DLGAP3: variants seen among roughly 807,000 people sequenced by gnomAD.
DLGAP3 encodes disks large-associated protein 3.
In DLGAP3, 17 loss-of-function variants were observed where a neutral mutation model predicts 81.2. That is an observed-to-expected ratio of 0.21 (90% CI 0.14 to 0.31). The LOEUF is 0.31. Among genes scored for constraint, DLGAP3 ranks in the 10% least tolerant of loss-of-function variants. The probability of loss-of-function intolerance (pLI) is 1.00; values close to 1 mark genes in which losing one functional copy is unlikely to be tolerated. For synonymous variants in DLGAP3, 577 were observed against 587.4 expected, an observed-to-expected ratio of 0.98 and a Z score of 0.26; for missense variants, 1,124 against 1,388.0, an observed-to-expected ratio of 0.81 and a Z score of 3.02.
In DLGAP3 at chr1:34,900,230, T is replaced by A. The variant is rs759558059; in HGVS notation, c.1151A>T (p.Asp384Val). 1 of 1,614,040 alleles carries A rather than the reference T, an allele frequency of 6.2e-7. No individual in the cohort carries two copies. The highest frequency in any genetic ancestry group is 2.2e-5 in the East Asian group (1 of 44,870). ...CATCCTGCGGCAGGGGATCTCCCCA[T>A]CCTTGCCACCGGTGGGGTAACCCCC... ...DWGGYPTGGKDGEIPCRRMRS... is the reference protein window; with the variant it reads ...DWGGYPTGGKVGEIPCRRMRS... The change falls in exon 4 of 12, where the codon GAT becomes GTT. Residue 384 changes from aspartate to valine, a missense_variant. Transcript: ENST00000373347. This position sits in a 1 kb window ranked among gnomAD's most constrained non-coding sequence, Gnocchi z 5.6.
chr1:34,872,269 C>T (rs545419902), intron 8 of DLGAP3, among the ~76,000 whole-genome samples: 2 of 152,226 alleles, frequency 1.3e-5, no homozygotes, highest in East Asian at 1.9e-4. Context: ...AAGGTGCCCA[C>T]GGATTTTGCA....
intron 3 of DLGAP3, among the ~76,000 whole-genome samples, chr1:34,901,644 G>A (rs1639461958): frequency 2.0e-5 from 3 of 152,278 alleles, no homozygotes; most frequent in East Asian, 1.9e-4. Flanking sequence ...CTCAATAAAT[G>A]GTAACAATTA....
At chr1:34,884,269 C>T (rs1639187502) in intron 8 of DLGAP3, among the ~76,000 whole-genome samples, 1 of 151,974 alleles carries the variant, frequency 6.6e-6, no homozygotes. Flanking sequence ...AGCTCAGATA[C>T]CATGAAACCG....
rs776466719 is a variant in DLGAP3, at chr1:34,868,730, C to T, written c.2360G>A (p.Arg787His). 1.5e-4 allele frequency: 247 copies of T among 1,609,202 alleles called. 1 individual carries two copies. Among genetic ancestry groups the T allele is most frequent in the African/African-American group, 1.9e-4 (14 of 74,928 alleles). ...GCCGTCGCGTGGGCAGGGGGATGCG[C>T]GGCCTGAGTCGGGGAGGCTACGTGA... ...RGSRSLPDSG[R>H]ASPCPRDGEW... Residue 787 changes from arginine to histidine, a missense_variant, in exon 9 of 12, where the codon CGC becomes CAC. Arg to His is a conservative substitution (Grantham distance 29). Around this residue, in one of 9 missense-constraint regions of DLGAP3, gnomAD observed 379 missense variants for 455.7 expected, o/e 0.83. Transcript: ENST00000373347. The surrounding 1 kb of genome is among the most constrained non-coding windows in gnomAD (Gnocchi z 7.5).
chr1:34,865,809 A>C lies in DLGAP3; in HGVS notation c.*274T>G. ...AATGGCAGAGATGGTGCCCATGGGGAGGAGGTGGGGACAAAGCGTCGGACC... is the reference window on the plus strand; with the variant it reads ...AATGGCAGAGATGGTGCCCATGGGGCGGAGGTGGGGACAAAGCGTCGGACC... On this transcript the variant is annotated 3_prime_UTR_variant, in exon 12 of 12. Transcript: ENST00000373347. 5.6e-6 allele frequency: 3 copies of C among 531,326 alleles called. No individual in the cohort carries two copies. Among genetic ancestry groups the C allele is most frequent in the Non-Finnish European group, 6.7e-6 (2 of 297,246 alleles). 32.9% of individuals were successfully genotyped at this position (531,326 alleles called of 1,614,324 possible). A position where few individuals can be genotyped will look rare whatever the true frequency, so the allele number is the denominator to read the frequency against.
At chr1:34,882,863 C>G (rs1639165828) in intron 8 of DLGAP3, among the ~76,000 whole-genome samples, 1 of 152,180 alleles carries the variant, frequency 6.6e-6, no homozygotes, top group Non-Finnish European at 1.5e-5. Context: ...TCCCCTGCCC[C>G]ACTCCACACC....
rs778198945 is a variant in DLGAP3, at chr1:34,900,099, G to A, written c.1282C>T (p.Arg428Cys). ...CTGGCCTGGTCCACGCTGGAGGAGCGACGGGTGGTGAAGCGTCGGGCGACT... is the reference window on the plus strand; with the variant it reads ...CTGGCCTGGTCCACGCTGGAGGAGCAACGGGTGGTGAAGCGTCGGGCGACT... ...KAVARRFTTRRSSSVDQARIN... is the reference protein window; with the variant it reads ...KAVARRFTTRCSSSVDQARIN... The change falls in exon 4 of 12, where the codon CGC becomes TGC. Residue 428 changes from arginine to cysteine, a missense_variant. Arg to Cys is a radical substitution (Grantham distance 180, BLOSUM62 -3). Around this residue, in one of 9 missense-constraint regions of DLGAP3, gnomAD observed 357 missense variants for 408.8 expected, o/e 0.87. Transcript: ENST00000373347. The surrounding 1 kb of genome is among the most constrained non-coding windows in gnomAD (Gnocchi z 5.6). 39 of 1,613,786 alleles carry A rather than the reference G, an allele frequency of 2.4e-5. No homozygotes were observed. Among genetic ancestry groups the A allele is most frequent in the Non-Finnish European group, 3.0e-5 (35 of 1,180,022 alleles).
At chr1:34,914,440 A>G (rs1337253562) in intron 1 of DLGAP3, among the ~76,000 whole-genome samples, 16 of 152,128 alleles carry the variant, frequency 1.1e-4, no homozygotes, top group Admixed American at 1.0e-3. Flanking sequence ...GAGGACTTCT[A>G]GGACCAGAAC....
intron 5 of DLGAP3, among the ~76,000 whole-genome samples, chr1:34,890,068 G>A (rs1227326164): frequency 6.6e-6 from 1 of 152,124 alleles, no homozygotes; most frequent in Admixed American, 6.5e-5. Flanking sequence ...ATCACCACAG[G>A]CTGATGACAA....
Position 34,873,159 on chromosome 1 carries a change from G to A in DLGAP3, c.2001-4070C>T, listed in dbSNP as rs887695346. Among the ~76,000 whole-genome samples, 2 of 152,170 alleles carry A rather than the reference G, an allele frequency of 1.3e-5. No individual in the cohort carries two copies. Among genetic ancestry groups the A allele is most frequent in the African/African-American group, 2.4e-5 (1 of 41,438 alleles). On this transcript the variant is annotated intron_variant, in intron 8 of 11. Coordinates refer to ENST00000373347, the MANE Select transcript of DLGAP3 (RefSeq NM_001080418.3). This position sits in a 1 kb window ranked among gnomAD's most constrained non-coding sequence, Gnocchi z 4.2. Reference sequence around the variant, plus strand: ...AGCCCTACTTGTAGATCAGAAAACCGAGGCTTAGTGGGGTTGACTCCTAAG... The same window carrying A: ...AGCCCTACTTGTAGATCAGAAAACCAAGGCTTAGTGGGGTTGACTCCTAAG...
intron 5 of DLGAP3, among the ~76,000 whole-genome samples, chr1:34,886,943 C>CTTTTTTT (rs949966445): frequency 2.5e-4 from 16 of 64,312 alleles, no homozygotes; most frequent in East Asian, 4.4e-4. Flanking sequence ...CCCCCACCTT[C>CTTTTTTT]TTTTTTTTTT....
intron 8 of DLGAP3, among the ~76,000 whole-genome samples, chr1:34,884,612 A>C (rs1219333883): frequency 6.6e-6 from 1 of 152,158 alleles, no homozygotes; most frequent in African/African-American, 2.4e-5. Context: ...ATACTTGTAC[A>C]CCACAGGATG....
At chr1:34,871,167 C>T (rs932918642) in intron 8 of DLGAP3, among the ~76,000 whole-genome samples, 4 of 152,128 alleles carry the variant, frequency 2.6e-5, no homozygotes, top group Non-Finnish European at 5.9e-5. Flanking sequence ...CAGCCCCCTA[C>T]TACCAACAAG....
At chr1:34,877,419 C>A (rs1296545931) in intron 8 of DLGAP3, among the ~76,000 whole-genome samples, 2 of 152,108 alleles carry the variant, frequency 1.3e-5, no homozygotes, top group African/African-American at 4.8e-5. Flanking sequence ...AAACCTCAAG[C>A]CTCAAAGGGA....
chr1:34,869,181 A>C, intron 8 of DLGAP3, 92 bp from the exon 9 acceptor site: 1 of 931,806 alleles, frequency 1.1e-6, no homozygotes, highest in Non-Finnish European at 1.6e-6. Context: ...GGAATGAGAA[A>C]GGGAACCTAC....
Position 34,887,928 on chromosome 1 carries a change from C to T in DLGAP3, c.1387-1643G>A, listed in dbSNP as rs537229866. Among the ~76,000 whole-genome samples the T allele has an allele frequency of 8.4e-4, 128 of 152,310 alleles. 1 individual carries two copies. Among genetic ancestry groups the T allele is most frequent in the African/African-American group, 3.1e-3 (127 of 41,560 alleles). ...TAGTAAGCCCTCGGCTAGCGGCATG[C>T]GAAGGTCTCAGGGCCTCCCTGGTAA... On this transcript the variant is annotated intron_variant, in intron 5 of 11. Coordinates refer to ENST00000373347, the MANE Select transcript of DLGAP3 (RefSeq NM_001080418.3).
rs902368609 is a variant in DLGAP3 at position 34,868,464 on chromosome 1, G to C, written c.2485+141C>G. 1.4e-6 allele frequency: 1 copy of C among 732,328 alleles called. No individual in the cohort carries two copies. Among genetic ancestry groups the C allele is most frequent in the Non-Finnish European group, 2.4e-6 (1 of 411,460 alleles). The allele number at this position is 732,328 out of a possible 1,614,324, so 45.4% of individuals were successfully genotyped here. On this transcript the variant is annotated intron_variant, in intron 9 of 11. Coordinates refer to ENST00000373347, the MANE Select transcript of DLGAP3 (RefSeq NM_001080418.3). This position sits in a 1 kb window ranked among gnomAD's most constrained non-coding sequence, Gnocchi z 7.5. ...CTTGCTGCCGATGTTGACCCGCCACGCTCCAGTGCAGAAGACCAGTGAGGC... is the reference window on the plus strand; with the variant it reads ...CTTGCTGCCGATGTTGACCCGCCACCCTCCAGTGCAGAAGACCAGTGAGGC...
Position 34,867,315 on chromosome 1 carries a change from TG to T in DLGAP3, c.2578-125del. The stretch of plus-strand genomic sequence containing the variant: ...TCAGCCTGGGAGAGTGGGTGGGGGC[TG>T]GGAGACAGGGGGACAAGAGCGAGCC... On this transcript the variant is annotated intron_variant, in intron 10 of 11. Transcript: ENST00000373347. The surrounding 1 kb of genome is among the most constrained non-coding windows in gnomAD (Gnocchi z 4.3). 1 of 1,423,936 alleles carries T rather than the reference TG, an allele frequency of 7.0e-7. No individual in the cohort carries two copies. The highest frequency in any genetic ancestry group is 9.8e-7 in the Non-Finnish European group (1 of 1,017,172). 88.2% of individuals were successfully genotyped at this position (1,423,936 alleles called of 1,614,324 possible). A position where few individuals can be genotyped will look rare whatever the true frequency, so the allele number is the denominator to read the frequency against.
At position 34,873,434 on chromosome 1, in the gene DLGAP3, CTCGGTGGCTT is replaced by C. The variant is rs1210518573; in HGVS notation, c.2001-4355_2001-4346del. On this transcript the variant is annotated intron_variant, in intron 8 of 11. Coordinates refer to ENST00000373347, the MANE Select transcript of DLGAP3 (RefSeq NM_001080418.3). This position sits in a 1 kb window ranked among gnomAD's most constrained non-coding sequence, Gnocchi z 4.2. ...AGCCTTGCCCGGGTCCAAAACCCAG[CTCGGTGGCTT>C]GTGCCTCATTTTCCCATCTGTAAAT... is the stretch of plus-strand genomic sequence containing the variant. Among the ~76,000 whole-genome samples the C allele has an allele frequency of 1.4e-4, 22 of 152,198 alleles. No homozygotes were observed. The highest frequency in any genetic ancestry group is 1.4e-3 in the Admixed American group (22 of 15,280).
Sources: gnomAD v4.1 joint callset for allele counts (sites outside exome capture counted in the v4.1 genomes callset) on GRCh38, gnomAD v4.1.1 for gene constraint, gnomAD v4.1.1 regional missense constraint, Gnocchi (gnomAD v3.1) non-coding constraint, MANE v1.5 for transcripts, NCBI Gene and HGNC (gene_info 2026-07-23, HGNC 2026-07-21) for gene names.